The following MIER1 variants were observed in gnomAD, a reference collection of about 807,000 sequenced individuals.
The protein encoded by MIER1 is MIER1 transcriptional regulator.
In MIER1, 40 loss-of-function variants were observed where a neutral mutation model predicts 75.7. The observed-to-expected ratio is 0.53, with a 90% CI of 0.41 to 0.69. MIER1 has a LOEUF of 0.69. Among genes scored for constraint, MIER1 ranks in the 30% least tolerant of loss-of-function variants. The pLI, the probability that MIER1 is intolerant of heterozygous loss-of-function variation, is 0.00. For synonymous variants in MIER1, 213 were observed against 223.4 expected, an observed-to-expected ratio of 0.95 and a Z score of 0.42; for missense variants, 574 against 680.2, an observed-to-expected ratio of 0.84 and a Z score of 1.74.
At position 66,930,303 on chromosome 1, in the gene MIER1, C is replaced by T. The variant is rs899705415; in HGVS notation, c.168+4061C>T. 70 of 1,571,506 alleles carry T rather than the reference C, an allele frequency of 4.5e-5. No homozygotes were observed. In the Admixed American group the frequency reaches 6.4e-4, roughly 14 times the overall value. On this transcript the variant is annotated intron_variant, in intron 2 of 13. Transcript: ENST00000401041. ...CGGGAGCGGCAGAGACGGCAGCGGCCGGAGTCCCGTTGCTGAGTCTCACAT... is the reference window on the plus strand; with the variant it reads ...CGGGAGCGGCAGAGACGGCAGCGGCTGGAGTCCCGTTGCTGAGTCTCACAT...
chr1:66,929,582 A>G (rs1420072590), intron 2 of MIER1, among the ~76,000 whole-genome samples: 1 of 152,252 alleles, frequency 6.6e-6, no homozygotes, highest in Admixed American at 6.5e-5. Context: ...ATGCTACTAA[A>G]TAGATGATAT....
At chr1:66,947,889 C>T in intron 4 of MIER1, 1 of 980,932 alleles carries the variant, frequency 1.0e-6, no homozygotes, top group Non-Finnish European at 1.2e-6. Context: ...CTCATTCTCA[C>T]TCTCTGGTAT....
intron 3 of MIER1, chr1:66,940,265 GTTTTCT>G: frequency 3.4e-6 from 1 of 297,146 alleles, no homozygotes; most frequent in Non-Finnish European, 5.8e-6. Flanking sequence ...CTATTTTTGG[GTTTTCT>G]TTTTTTTTTT....
rs554210067 is a variant in MIER1 at position 66,958,747 on chromosome 1, A to G, written c.502-104A>G. ...GGATGATACTACATCTAGTATATTC[A>G]TTTTAGTCTTCTGCATATATTAGAA... On this transcript the variant is annotated intron_variant, in intron 5 of 13. Transcript: ENST00000401041. 13 of 872,398 alleles carry G rather than the reference A, an allele frequency of 1.5e-5. 1 individual carries two copies. The South Asian group carries it at 2.5e-4, about 17-fold the overall frequency. The allele number at this position is 872,398 out of a possible 1,614,324, so 54.0% of individuals were successfully genotyped here.
At chr1:66,948,116 A>G (rs746039625) in intron 4 of MIER1, 1 of 903,810 alleles carries the variant, frequency 1.1e-6, no homozygotes, top group Non-Finnish European at 1.3e-6. Flanking sequence ...TTTTGAGAAG[A>G]TGAAATAAAA....
chr1:66,961,249 A>G (rs1028927965), intron 7 of MIER1, among the ~76,000 whole-genome samples: 3 of 152,154 alleles, frequency 2.0e-5, no homozygotes, highest in African/African-American at 7.2e-5. Context: ...TTGAGTTTTT[A>G]TAGAAACTTA....
chr1:66,974,754 G>A (rs1220197306), intron 11 of MIER1, among the ~76,000 whole-genome samples: 2 of 151,990 alleles, frequency 1.3e-5, no homozygotes, highest in Non-Finnish European at 2.9e-5. Flanking sequence ...CACAAAAAGA[G>A]GACAGTAATT....
Position 66,985,185 on chromosome 1 carries a change from ATT to A in MIER1, c.*288_*289del. On this transcript the variant is annotated 3_prime_UTR_variant, in exon 14 of 14. Transcript: ENST00000401041. ...ATCTTTAGTTCATTCAGATTTACTA[ATT>A]TTGGTAAATCTGAATGAACTAAAGA... 3.0e-6 allele frequency: 3 copies of A among 983,926 alleles called. No individual in the cohort carries two copies. Among genetic ancestry groups the A allele is most frequent in the Non-Finnish European group, 3.7e-6 (3 of 818,174 alleles). The allele number at this position is 983,926 out of a possible 1,614,324, so 60.9% of individuals were successfully genotyped here.
intron 4 of MIER1, among the ~76,000 whole-genome samples, chr1:66,951,266 C>T (rs544218522): frequency 6.6e-6 from 1 of 152,244 alleles, no homozygotes; most frequent in African/African-American, 2.4e-5. Flanking sequence ...GTAGCTGGGA[C>T]TGTAGGCGTG....
rs570136141 is a variant in MIER1 at position 66,927,989 on chromosome 1, G to A, written c.168+1747G>A. 5.9e-5 allele frequency among the ~76,000 whole-genome samples: 9 copies of A among 152,108 alleles called. No individual in the cohort carries two copies. The South Asian group carries it at 1.9e-3, about 32-fold the overall frequency. On this transcript the variant is annotated intron_variant, in intron 2 of 13. Coordinates refer to ENST00000401041, the MANE Select transcript of MIER1 (RefSeq NM_001077700.3). Reference sequence around the variant, plus strand: ...GTGGCTCCTGAAAATTTTACAGTTAGGTGTATCACTAAAATAAAATAATAG... The same window carrying A: ...GTGGCTCCTGAAAATTTTACAGTTAAGTGTATCACTAAAATAAAATAATAG...
Position 66,985,329 on chromosome 1 carries a change from T to G in MIER1, c.*429T>G. On this transcript the variant is annotated 3_prime_UTR_variant, in exon 14 of 14. Coordinates refer to ENST00000401041, the MANE Select transcript of MIER1 (RefSeq NM_001077700.3). ...GTCCAAATTTCTGCTTAATACCAAT[T>G]TCTCTGAGTTTCTTGAAATGTCTTT... 1.0e-6 allele frequency: 1 copy of G among 985,528 alleles called. No homozygotes were observed. The highest frequency in any genetic ancestry group is 1.2e-6 in the Non-Finnish European group (1 of 829,902). The allele number at this position is 985,528 out of a possible 1,614,324, so 61.0% of individuals were successfully genotyped here.
chr1:66,928,213 ATAAACT>A (rs1481175853), intron 2 of MIER1, among the ~76,000 whole-genome samples: 1 of 152,124 alleles, frequency 6.6e-6, no homozygotes, highest in Non-Finnish European at 1.5e-5. Context: ...CACAATATTA[ATAAACT>A]TAAAGAGTTA....
chr1:66,970,158 T>A (rs1390610847), intron 8 of MIER1, among the ~76,000 whole-genome samples: 1 of 152,214 alleles, frequency 6.6e-6, no homozygotes, highest in Non-Finnish European at 1.5e-5. Flanking sequence ...TTAATTAGAT[T>A]TAGGCTTTCA....
chr1:66,926,078 G>T, intron 1 of MIER1, 64 bp from the exon 2 acceptor site: 1 of 1,273,856 alleles, frequency 7.9e-7, no homozygotes, highest in Admixed American at 1.7e-5. Context: ...AAACAGGGTG[G>T]ATGGTGAGCT....
At chr1:66,926,042 T>C in intron 1 of MIER1, 100 bp from the exon 2 acceptor site, 1 of 894,262 alleles carries the variant, frequency 1.1e-6, no homozygotes, top group South Asian at 1.4e-5. Flanking sequence ...CTTGTCCTGA[T>C]TCCCGACCAT....
rs546943684 is a variant in MIER1 at position 66,961,484 on chromosome 1, C to T, written c.700-1604C>T. ...TTCAAAGCTATTTCCCTTCCCTTCC[C>T]TGTACTACCGAACAAATTAACAGAT... is the stretch of plus-strand genomic sequence containing the variant. On this transcript the variant is annotated intron_variant, in intron 7 of 13. Transcript: ENST00000401041. 2.0e-5 allele frequency among the ~76,000 whole-genome samples: 3 copies of T among 152,296 alleles called. No individual in the cohort carries two copies. In the East Asian group the frequency reaches 5.8e-4, roughly 29 times the overall value.
At chr1:66,963,613 A>G (rs1017150652) in intron 8 of MIER1, among the ~76,000 whole-genome samples, 4 of 152,196 alleles carry the variant, frequency 2.6e-5, no homozygotes, top group African/African-American at 9.7e-5. Flanking sequence ...GTGCTTATTA[A>G]AATGGAGTAC....
chr1:66,925,159 A>C, intron 1 of MIER1, 64 bp downstream of exon 1: 2 of 1,525,730 alleles, frequency 1.3e-6, no homozygotes, highest in South Asian at 1.2e-5. Flanking sequence ...GGGGCTCCTG[A>C]GGTGTCCTCA....
At chr1:66,969,271 C>T (rs539365385) in intron 8 of MIER1, among the ~76,000 whole-genome samples, 2 of 151,828 alleles carry the variant, frequency 1.3e-5, no homozygotes, top group African/African-American at 4.8e-5. Context: ...TACGGCCGGG[C>T]GCGGTGGCTC....
Sources: allele counts gnomAD v4.1 joint callset (sites outside exome capture counted in the v4.1 genomes callset), GRCh38; gene constraint gnomAD v4.1.1; transcripts MANE v1.5; gene names NCBI Gene and HGNC (gene_info 2026-07-23, HGNC 2026-07-21).